DMXL2: variants seen among roughly 807,000 people sequenced by gnomAD.
The protein encoded by DMXL2 is Dmx like 2.
In DMXL2, 103 loss-of-function variants were observed where a neutral mutation model predicts 331.1. That is an observed-to-expected ratio of 0.31 (90% CI 0.27 to 0.37). The LOEUF is 0.37. Ranked by LOEUF, DMXL2 falls within the 10% of genes least tolerant of loss-of-function variation. The pLI, the probability that DMXL2 is intolerant of heterozygous loss-of-function variation, is 1.00. For missense variants in DMXL2, 3,171 were observed against 3,642.9 expected (o/e 0.87, Z 3.33); for synonymous variants, 1,281 against 1,252.1 (o/e 1.02, Z -0.49).
chr15:51,576,740 C>T (rs1484350513), intron 1 of DMXL2, among the ~76,000 whole-genome samples: 3 of 152,144 alleles, frequency 2.0e-5, no homozygotes, highest in African/African-American at 4.8e-5. Context: ...GAATCCACAA[C>T]GCAGCCTGCC....
intron 37 of DMXL2, among the ~76,000 whole-genome samples, chr15:51,456,937 T>G (rs1351506299): frequency 6.6e-6 from 1 of 152,126 alleles, no homozygotes; most frequent in East Asian, 1.9e-4. Flanking sequence ...CTTGGGAGGC[T>G]GAAGCGGGTA....
intron 40 of DMXL2, 51 bp downstream of exon 40, chr15:51,455,100 A>G: frequency 7.2e-7 from 1 of 1,395,258 alleles, no homozygotes; most frequent in Non-Finnish European, 1.0e-6. Flanking sequence ...CAGACACTTC[A>G]TGAACAAAGT....
intron 1 of DMXL2, 76 bp downstream of exon 1, chr15:51,622,383 G>C: frequency 6.5e-7 from 1 of 1,537,022 alleles, no homozygotes. Flanking sequence ...GAGGAGGCGT[G>C]CGCCCTGGAC....
intron 1 of DMXL2, among the ~76,000 whole-genome samples, chr15:51,622,249 T>C (rs1377372088): frequency 6.6e-6 from 1 of 152,044 alleles, no homozygotes; most frequent in Admixed American, 6.5e-5. Flanking sequence ...CCTAAGCCTT[T>C]CCCCTAACGG....
At chr15:51,536,984 T>C in intron 11 of DMXL2, 122 bp from the exon 12 acceptor site, 1 of 813,110 alleles carries the variant, frequency 1.2e-6, no homozygotes, top group East Asian at 2.7e-5. Context: ...AACCTCTTTA[T>C]GGTCCAGTCC....
intron 8 of DMXL2, 61 bp downstream of exon 8, chr15:51,545,522 G>T: frequency 6.7e-7 from 1 of 1,485,596 alleles, no homozygotes; most frequent in Non-Finnish European, 9.3e-7. Flanking sequence ...GTTAGTTCAT[G>T]AATTTCCACC....
At chr15:51,548,404 C>CT (rs1459609914) in intron 6 of DMXL2, among the ~76,000 whole-genome samples, 3 of 152,028 alleles carry the variant, frequency 2.0e-5, no homozygotes, top group Admixed American at 1.3e-4. Flanking sequence ...ATTAATGTCT[C>CT]TTTTTTTGGA....
chr15:51,450,117 G>C lies in DMXL2; in HGVS notation c.8967+12C>G, dbSNP rs749723855. The C allele has an allele frequency of 2.5e-6, 4 of 1,611,660 alleles. No homozygotes were observed. Among genetic ancestry groups the C allele is most frequent in the African/African-American group, 1.3e-5 (1 of 74,894 alleles). ...AGTCTTTAGCACATTCCAACCTCTT[G>C]TACTGACTCACCTTTATGTTACCTT... On this transcript the variant is annotated intron_variant, in intron 43 of 43. Transcript: ENST00000560891.
chr15:51,480,227 T>TAAAG lies in DMXL2; in HGVS notation c.6565-92_6565-89dup, dbSNP rs2041910159. On this transcript the variant is annotated intron_variant, in intron 24 of 43. Transcript: ENST00000560891. ...AGAAATACTGGTGATAAACATTGTG[T>TAAAG]AAAGGGAATATGTTCGCTCACTCAT... 7.0e-6 allele frequency: 9 copies of TAAAG among 1,280,774 alleles called. No individual in the cohort carries two copies. The South Asian group carries it at 1.0e-4, about 14-fold the overall frequency. The allele number at this position is 1,280,774 out of a possible 1,614,324, so 79.3% of individuals were successfully genotyped here. A position where few individuals can be genotyped will look rare whatever the true frequency, so the allele number is the denominator to read the frequency against.
chr15:51,524,728 C>T (rs2047572686), intron 13 of DMXL2, among the ~76,000 whole-genome samples: 1 of 152,092 alleles, frequency 6.6e-6, no homozygotes. Context: ...AATCGCTGAT[C>T]CTATCTGTCT....
At chr15:51,589,729 A>G (rs1354866119) in intron 1 of DMXL2, among the ~76,000 whole-genome samples, 1 of 152,232 alleles carries the variant, frequency 6.6e-6, no homozygotes, top group Admixed American at 6.5e-5. Context: ...AGAAAAAGCA[A>G]TGAGCTAGAG....
At chr15:51,542,023 C>T (rs1420402846) in intron 9 of DMXL2, among the ~76,000 whole-genome samples, 3 of 152,144 alleles carry the variant, frequency 2.0e-5, no homozygotes, top group Non-Finnish European at 2.9e-5. Flanking sequence ...AGAGAAATTA[C>T]ACTAATTTAC....
chr15:51,456,019 C>G lies in DMXL2; in HGVS notation c.8526+47G>C, dbSNP rs745773645. The G allele has an allele frequency of 5.6e-6, 9 of 1,603,594 alleles. No homozygotes were observed. In the South Asian group the frequency reaches 6.6e-5, roughly 12 times the overall value. Reference sequence around the variant, plus strand: ...ACTTTTATCACTTACTCCTAAATATCCACAACTATTTTCAGATGAATTCAG... The same window carrying G: ...ACTTTTATCACTTACTCCTAAATATGCACAACTATTTTCAGATGAATTCAG... On this transcript the variant is annotated intron_variant, in intron 39 of 43. Transcript: ENST00000560891.
intron 37 of DMXL2, among the ~76,000 whole-genome samples, 185 bp from the exon 38 acceptor site, chr15:51,456,554 C>T (rs931713669): frequency 5.9e-5 from 9 of 152,190 alleles, no homozygotes; most frequent in African/African-American, 1.9e-4. Flanking sequence ...AGCACAGTCA[C>T]TTGCTGGTAT....
At position 51,554,174 on chromosome 15, in the gene DMXL2, C is replaced by T. The variant is rs191960489; in HGVS notation, c.568-6766G>A. ...AAAGCTGGATTCCAGTATGACTCTC[C>T]AGCAGCTCTCTGACATGCTGAACTG... On this transcript the variant is annotated intron_variant, in intron 6 of 43. Coordinates refer to ENST00000560891, the MANE Select transcript of DMXL2 (RefSeq NM_001378457.1). Among the ~76,000 whole-genome samples the T allele has an allele frequency of 2.8e-4, 43 of 152,304 alleles. No homozygotes were observed. In the East Asian group the frequency reaches 7.7e-3, roughly 27 times the overall value.
At position 51,565,216 on chromosome 15, in the gene DMXL2, C is replaced by A. The variant is rs939335332; in HGVS notation, c.286-50G>T. 4.1e-6 allele frequency: 5 copies of A among 1,220,810 alleles called. No homozygotes were observed. The African/African-American group carries it at 6.2e-5, about 15-fold the overall frequency. The allele number at this position is 1,220,810 out of a possible 1,614,324, so 75.6% of individuals were successfully genotyped here. A position where few individuals can be genotyped will look rare whatever the true frequency, so the allele number is the denominator to read the frequency against. Reference sequence around the variant, plus strand: ...TAAGAAAAAAGAAAAAGATGTTTTTCAAATAATATCCCAAAACACTACCAT... The same window carrying A: ...TAAGAAAAAAGAAAAAGATGTTTTTAAAATAATATCCCAAAACACTACCAT... On this transcript the variant is annotated intron_variant, in intron 3 of 43. Transcript: ENST00000560891.
intron 1 of DMXL2, among the ~76,000 whole-genome samples, chr15:51,583,106 CTTT>C (rs57226377): frequency 4.6e-5 from 4 of 87,180 alleles, no homozygotes; most frequent in Non-Finnish European, 4.9e-5. Context: ...CTTCATTCTT[CTTT>C]TTTTTTTTTT....
chr15:51,469,535 AAAT>A (rs1278218475), intron 29 of DMXL2, among the ~76,000 whole-genome samples: 1 of 152,226 alleles, frequency 6.6e-6, no homozygotes, highest in Admixed American at 6.5e-5. Flanking sequence ...GATTAATAGT[AAAT>A]TGGCCACAAT....
chr15:51,589,360 G>T (rs923913266), intron 1 of DMXL2, among the ~76,000 whole-genome samples: 1 of 152,216 alleles, frequency 6.6e-6, no homozygotes, highest in African/African-American at 2.4e-5. Flanking sequence ...GATACTACCA[G>T]CTTTCTATTT....
Sources: allele counts gnomAD v4.1 joint callset (sites outside exome capture counted in the v4.1 genomes callset), GRCh38; gene constraint gnomAD v4.1.1; transcripts MANE v1.5; gene names NCBI Gene and HGNC (gene_info 2026-07-23, HGNC 2026-07-21).